CALN1: variants seen among roughly 807,000 people sequenced by gnomAD.
The protein encoded by CALN1 is calcium-binding protein 8.
A neutral mutation model predicts 30.6 loss-of-function variants in CALN1; 17 were observed. The observed-to-expected ratio is 0.56, with a 90% confidence interval of 0.38 to 0.83. The LOEUF (loss-of-function observed/expected upper bound fraction) is 0.83, where lower values mean the gene tolerates loss of function less well. CALN1 is among the 40% of genes least tolerant of loss of function. The pLI, the probability that CALN1 is intolerant of heterozygous loss-of-function variation, is 0.00. For missense variants in CALN1, 291 were observed against 354.9 expected, an observed-to-expected ratio of 0.82 and a Z score of 1.45; for synonymous variants, 156 against 131.4, an observed-to-expected ratio of 1.19 and a Z score of -1.28.
At chr7:72,052,190 T>TA in intron 4 of CALN1, among the ~76,000 whole-genome samples, 1 of 152,276 alleles carries the variant, frequency 6.6e-6, no homozygotes, top group East Asian at 1.9e-4. Context: ...GACAAACATT[T>TA]AAAAAATCAA....
intron 6 of CALN1, among the ~76,000 whole-genome samples, chr7:71,800,659 G>A (rs1457638488): frequency 6.6e-6 from 1 of 152,096 alleles, no homozygotes; most frequent in Non-Finnish European, 1.5e-5. Context: ...TGGAAAATGA[G>A]CACGGGTGAT....
chr7:72,363,243 AT>A (rs1165517790), intron 2 of CALN1, among the ~76,000 whole-genome samples: 1 of 97,860 alleles, frequency 1.0e-5, no homozygotes, highest in African/African-American at 2.8e-5. Flanking sequence ...ACATTATTTT[AT>A]TTTTTTATTT....
At chr7:71,924,213 A>T (rs1187370451) in intron 5 of CALN1, among the ~76,000 whole-genome samples, 19 of 136,050 alleles carry the variant, frequency 1.4e-4, no homozygotes, top group African/African-American at 5.1e-4. Context: ...AAAAAAAAAA[A>T]AGATTAGGAT....
At chr7:72,285,795 A>G (rs890548057) in intron 2 of CALN1, among the ~76,000 whole-genome samples, 8 of 152,212 alleles carry the variant, frequency 5.3e-5, no homozygotes, top group African/African-American at 1.9e-4. Flanking sequence ...AAAGAAGCTG[A>G]AAGACTTCAA....
At chr7:72,433,529 C>T (rs1340107815) in intron 1 of CALN1, among the ~76,000 whole-genome samples, 5 of 152,098 alleles carry the variant, frequency 3.3e-5, no homozygotes, top group African/African-American at 7.2e-5. Flanking sequence ...TGGGTGCTTG[C>T]GGCTCCTAAG....
chr7:72,401,769 G>A (rs1488501427), intron 2 of CALN1, among the ~76,000 whole-genome samples: 1 of 152,216 alleles, frequency 6.6e-6, no homozygotes, highest in East Asian at 1.9e-4. Context: ...TTGTCTGTTT[G>A]CTGTGTGATA....
At chr7:72,403,484 G>A in intron 1 of CALN1, 42 bp from the exon 2 acceptor site, 1 of 744,582 alleles carries the variant, frequency 1.3e-6, no homozygotes, top group Non-Finnish European at 2.1e-6. Flanking sequence ...CACAGTGCTG[G>A]GCGATTATTC....
chr7:71,997,249 G>T (rs1799300108), intron 5 of CALN1, among the ~76,000 whole-genome samples: 1 of 150,240 alleles, frequency 6.7e-6, no homozygotes. Context: ...AAAAAAGAAA[G>T]AAAGAAAGAA....
chr7:72,398,982 C>A (rs1285335485), intron 2 of CALN1, among the ~76,000 whole-genome samples: 1 of 152,154 alleles, frequency 6.6e-6, no homozygotes, highest in Admixed American at 6.5e-5. Flanking sequence ...GCCAAGGAGT[C>A]ACCTTGACAG....
intron 5 of CALN1, among the ~76,000 whole-genome samples, chr7:71,920,999 T>C (rs757204698): frequency 1.6e-4 from 25 of 152,162 alleles, no homozygotes; most frequent in Non-Finnish European, 2.4e-4. Flanking sequence ...ATGTGGCACA[T>C]ATACACCATG....
the CALN1 span, among the ~76,000 whole-genome samples, chr7:72,485,546 C>G: frequency 3.9e-5 from 6 of 152,236 alleles, no homozygotes; most frequent in Admixed American, 2.0e-4. Flanking sequence ...TGTGCATAAG[C>G]TAGATTGATC....
At chr7:71,863,560 A>AC (rs1791420623) in intron 5 of CALN1, among the ~76,000 whole-genome samples, 1 of 124,372 alleles carries the variant, frequency 8.0e-6, no homozygotes, top group Admixed American at 7.4e-5. Flanking sequence ...TCCATCTCAA[A>AC]AAAAAAAAAA....
At chr7:72,079,738 A>G (rs1804990417) in intron 4 of CALN1, among the ~76,000 whole-genome samples, 1 of 145,866 alleles carries the variant, frequency 6.9e-6, no homozygotes, top group East Asian at 2.0e-4. Flanking sequence ...GCCTGTGCAA[A>G]TGCCCAAGAG....
At chr7:72,089,595 A>G (rs964455611) in intron 4 of CALN1, among the ~76,000 whole-genome samples, 2 of 152,174 alleles carry the variant, frequency 1.3e-5, no homozygotes, top group Admixed American at 1.3e-4. Context: ...CCTGGAAGGA[A>G]AAGAAACTGA....
intron 5 of CALN1, among the ~76,000 whole-genome samples, chr7:71,829,013 G>T (rs1789101547): frequency 6.6e-6 from 1 of 151,926 alleles, no homozygotes; most frequent in Non-Finnish European, 1.5e-5. Context: ...CCAAAGTGCT[G>T]GGATTACAGG....
the CALN1 span, among the ~76,000 whole-genome samples, chr7:72,468,968 G>A: frequency 6.6e-6 from 1 of 152,146 alleles, no homozygotes; most frequent in African/African-American, 2.4e-5. Context: ...ACTCTTATCA[G>A]ATATATGATT....
intron 3 of CALN1, among the ~76,000 whole-genome samples, chr7:72,256,714 C>T (rs1795939082): frequency 6.6e-6 from 1 of 152,122 alleles, no homozygotes; most frequent in East Asian, 1.9e-4. Context: ...TCAAGCAATC[C>T]TCCTGCCTCA....
At chr7:72,110,615 T>C (rs1372720221) in intron 3 of CALN1, among the ~76,000 whole-genome samples, 3 of 151,648 alleles carry the variant, frequency 2.0e-5, no homozygotes, top group Non-Finnish European at 4.4e-5. Context: ...TATGTGAGTG[T>C]GTGTGTCTGT....
At chr7:72,315,191 A>C (rs1156748838) in intron 2 of CALN1, among the ~76,000 whole-genome samples, 2 of 152,020 alleles carry the variant, frequency 1.3e-5, no homozygotes, top group African/African-American at 4.8e-5. Context: ...GTTAAAAAGT[A>C]ATACTAAAGA....
Sources: gnomAD v4.1 joint callset for allele counts (sites outside exome capture counted in the v4.1 genomes callset) on GRCh38, gnomAD v4.1.1 for gene constraint, MANE v1.5 for transcripts, NCBI Gene and HGNC (gene_info 2026-07-23, HGNC 2026-07-21) for gene names.